The following KIAA1586 variants were observed in gnomAD, a reference collection of about 807,000 sequenced individuals.
The protein encoded by KIAA1586 is E3 SUMO-protein ligase KIAA1586.
KIAA1586 carries 5 observed loss-of-function variants against 6.1 expected under a neutral mutation model. That is an observed-to-expected ratio of 0.82 (90% CI 0.43 to 1.73). KIAA1586 has a LOEUF of 1.73. KIAA1586 is among the 40% of genes most tolerant of loss of function. KIAA1586 has a pLI of 0.02. For synonymous variants in KIAA1586, 280 were observed against 301.7 expected (o/e 0.93, Z 0.75); for missense variants, 899 against 878.2 (o/e 1.02, Z -0.30).
Position 57,053,418 on chromosome 6 carries a change from A to G in KIAA1586, c.919A>G (p.Ile307Val). The G allele has an allele frequency of 6.2e-7, 1 of 1,609,070 alleles. No homozygotes were observed. Among genetic ancestry groups the G allele is most frequent in the South Asian group, 1.1e-5 (1 of 90,300 alleles). ...KEMKMKIFKN[I>V]IEENAKICII... The stretch of plus-strand genomic sequence containing the variant: ...AATGAAGATGAAGATATTTAAGAAT[A>G]TTATAGAAGAGAATGCCAAAATCTG... Residue 307 changes from isoleucine to valine, a missense_variant, in exon 4 of 4, where the codon ATT (isoleucine) becomes GTT (valine). By Grantham distance (29) the Ile-to-Val change is conservative. Coordinates refer to ENST00000370733, the MANE Select transcript of KIAA1586 (RefSeq NM_020931.4).
rs1043353096 is a variant in KIAA1586 at position 57,053,490 on chromosome 6, G to GTGAT, written c.993_996dup (p.Tyr333AspfsTer41). 6.2e-7 allele frequency: 1 copy of GTGAT among 1,613,366 alleles called. No individual in the cohort carries two copies. The highest frequency in any genetic ancestry group is 1.3e-5 in the African/African-American group (1 of 74,894). The stretch of plus-strand genomic sequence containing the variant: ...TACAGTTTCAAAGAAAACCACCCTA[G>GTGAT]TGATTTATCTCCAGTGCACAATTCA... On this transcript the variant is annotated frameshift_variant, in exon 4 of 4. Coordinates refer to ENST00000370733, the MANE Select transcript of KIAA1586 (RefSeq NM_020931.4). LOFTEE classifies it low-confidence loss of function (END_TRUNC).
At chr6:57,058,405 A>G (rs1029542116), downstream of KIAA1586, among the ~76,000 whole-genome samples, 1 of 152,212 alleles carries the variant, frequency 6.6e-6, no homozygotes, top group Non-Finnish European at 1.5e-5. Flanking sequence ...GATTGTGGAA[A>G]GAATTAAGAG....
At chr6:57,063,044 G>T in the KIAA1586 span, among the ~76,000 whole-genome samples, 3 of 151,522 alleles carry the variant, frequency 2.0e-5, no homozygotes, top group Non-Finnish European at 4.4e-5. Context: ...GACAGAGCAA[G>T]ACTCTGTCTC....
chr6:57,064,647 A>G, the KIAA1586 span, among the ~76,000 whole-genome samples: 1,494 of 152,300 alleles, frequency 9.8e-3, 10 homozygotes, highest in Non-Finnish European at 0.015. Flanking sequence ...AGCAGTTTGC[A>G]GGTGGATTCG....
chr6:57,057,368 A>G (rs1345021818), downstream of KIAA1586, among the ~76,000 whole-genome samples: 1 of 152,222 alleles, frequency 6.6e-6, no homozygotes. Flanking sequence ...GAACAGTTTC[A>G]TAATTTGAGA....
At chr6:57,061,135 G>A in the KIAA1586 span, among the ~76,000 whole-genome samples, 2 of 151,538 alleles carry the variant, frequency 1.3e-5, no homozygotes, top group African/African-American at 4.8e-5. Flanking sequence ...GTGCCACCAT[G>A]CCCAGCTAAT....
downstream of KIAA1586, among the ~76,000 whole-genome samples, chr6:57,055,594 A>T (rs1250256584): frequency 6.6e-6 from 1 of 152,182 alleles, no homozygotes; most frequent in African/African-American, 2.4e-5. Flanking sequence ...TGAATATTTT[A>T]TGCAGACAAC....
chr6:57,047,982 C>A (rs1438552489), intron 2 of KIAA1586, among the ~76,000 whole-genome samples: 4 of 148,442 alleles, frequency 2.7e-5, no homozygotes, highest in African/African-American at 1.0e-4. Context: ...GATTCCTGGG[C>A]CCCACTGCAG....
chr6:57,050,881 C>T, intron 3 of KIAA1586, 27 bp downstream of exon 3: 1 of 1,521,844 alleles, frequency 6.6e-7, no homozygotes, highest in Non-Finnish European at 9.1e-7. Flanking sequence ...TGTGTTTGTT[C>T]AGTTTTCTTA....
downstream of KIAA1586, among the ~76,000 whole-genome samples, chr6:57,056,561 G>A (rs1431734715): frequency 6.8e-6 from 1 of 146,710 alleles, no homozygotes; most frequent in Non-Finnish European, 1.5e-5. Context: ...TTTTTTGGAT[G>A]GGAGAGGGGA....
chr6:57,053,736 A>G lies in KIAA1586; in HGVS notation c.1237A>G (p.Ile413Val). Residue 413 changes from isoleucine (I) to valine (V), a missense_variant, in exon 4 of 4, where the codon ATC (isoleucine) becomes GTC (valine). Coordinates refer to ENST00000370733, the MANE Select transcript of KIAA1586 (RefSeq NM_020931.4). ...ATKLLENFPE[I>V]IIWNCLNHRL... ...AAAATTGTTAGAAAATTTTCCTGAA[A>G]TCATCATTTGGAACTGTTTAAATCA... 2 of 1,610,634 alleles carry G rather than the reference A, an allele frequency of 1.2e-6. No individual in the cohort carries two copies.
At chr6:57,052,647 G>A (rs1453205651) in intron 3 of KIAA1586, 39 bp from the exon 4 acceptor site, 1 of 1,464,116 alleles carries the variant, frequency 6.8e-7, no homozygotes, top group African/African-American at 1.4e-5. Flanking sequence ...CCCTTAAAGT[G>A]TTATGAATTT....
In KIAA1586 at chr6:57,054,349, G is replaced by A. The variant is rs773471612; in HGVS notation, c.1850G>A (p.Arg617His). 1.6e-5 allele frequency: 25 copies of A among 1,601,392 alleles called. No homozygotes were observed. Among genetic ancestry groups the A allele is most frequent in the Middle Eastern group, 1.7e-4 (1 of 5,984 alleles). Reference sequence around the variant, plus strand: ...AATATAATTCAGCACATGAACCTACGCCTTTTATCTGACAGAAACCATGAA... The same window carrying A: ...AATATAATTCAGCACATGAACCTACACCTTTTATCTGACAGAAACCATGAA... ...LDNIIQHMNL[R>H]LLSDRNHEDI... The change falls in exon 4 of 4, where the codon CGC becomes CAC. Residue 617 changes from arginine to histidine, a missense_variant. Physicochemically the swap from Arg to His is conservative, Grantham distance 29. Coordinates refer to ENST00000370733, the MANE Select transcript of KIAA1586 (RefSeq NM_020931.4).
intron 3 of KIAA1586, among the ~76,000 whole-genome samples, chr6:57,051,181 G>A (rs531169934): frequency 2.7e-5 from 4 of 149,036 alleles, no homozygotes; most frequent in South Asian, 4.2e-4. Flanking sequence ...GCAGTGAGCC[G>A]AGATCATGCC....
At chr6:57,064,263 G>T in the KIAA1586 span, among the ~76,000 whole-genome samples, 1 of 152,106 alleles carries the variant, frequency 6.6e-6, no homozygotes, top group Non-Finnish European at 1.5e-5. Context: ...ATTAAAGATG[G>T]AATAAAGAAT....
chr6:57,048,670 T>G (rs1456749224), intron 2 of KIAA1586, among the ~76,000 whole-genome samples: 1 of 152,160 alleles, frequency 6.6e-6, no homozygotes, highest in African/African-American at 2.4e-5. Context: ...GGAAAAATAA[T>G]TTTGGTTTCC....
In KIAA1586 at chr6:57,052,868, A is replaced by G. The variant is rs1562570404; in HGVS notation, c.369A>G (p.Ser123=). 6.2e-7 allele frequency: 1 copy of G among 1,612,922 alleles called. No individual in the cohort carries two copies. The highest frequency in any genetic ancestry group is 8.5e-7 in the Non-Finnish European group (1 of 1,179,584). The change falls in exon 4 of 4, where the codon TCA becomes TCG. Residue 123 remains serine, a synonymous_variant. Transcript: ENST00000370733. Reference sequence around the variant, plus strand: ...TCATTGAAGAAAAGCCATCACTTTCATCAAAGAAAGAAATAGATAATCTTG... The same window carrying G: ...TCATTGAAGAAAAGCCATCACTTTCGTCAAAGAAAGAAATAGATAATCTTG... The part of the protein sequence containing the change: ...QPIIEEKPSL[S]SKKEIDNLVL...
intron 3 of KIAA1586, among the ~76,000 whole-genome samples, chr6:57,051,458 GTA>G (rs1210343505): frequency 6.6e-6 from 1 of 151,618 alleles, no homozygotes; most frequent in Non-Finnish European, 1.5e-5. Context: ...TCCTGCTGCA[GTA>G]TTGATAGAAC....
At chr6:57,048,026 A>G (rs1444244093) in intron 2 of KIAA1586, among the ~76,000 whole-genome samples, 1 of 150,748 alleles carries the variant, frequency 6.6e-6, no homozygotes, top group African/African-American at 2.5e-5. Context: ...GCGGGGGCCT[A>G]GGAATCTTCA....
Sources: gnomAD v4.1 joint callset for allele counts (sites outside exome capture counted in the v4.1 genomes callset) on GRCh38, gnomAD v4.1.1 for gene constraint, MANE v1.5 for transcripts, NCBI Gene and HGNC (gene_info 2026-07-23, HGNC 2026-07-21) for gene names.